Variants in MCF2 observed in about 807,000 individuals in gnomAD.
MCF2 encodes MCF.2 cell line derived transforming sequence.
In MCF2, 44 loss-of-function variants were observed where a neutral mutation model predicts 82.5. The ratio of observed to expected loss-of-function variants is 0.53; its 90% CI spans 0.42 to 0.69. The LOEUF (loss-of-function observed/expected upper bound fraction) is 0.69, where lower values mean the gene tolerates loss of function less well. Ranked by LOEUF, MCF2 falls within the 30% of genes least tolerant of loss-of-function variation. The pLI is 0.00. For synonymous variants in MCF2, 217 were observed against 224.9 expected (o/e 0.96, Z 0.32); for missense variants, 623 against 663.1 (o/e 0.94, Z 0.66).
chrX:139,670,133 C>T (rs1342997779), intron 1 of MCF2, among the ~76,000 whole-genome samples: 1 of 103,342 alleles, frequency 9.7e-6, no homozygotes, highest in Admixed American at 9.9e-5. Flanking sequence ...GATGAATGTA[C>T]TTTTTTCCAC....
intron 10 of MCF2, 110 bp downstream of exon 13, chrX:139,614,771 A>G (rs1931767297): frequency 2.7e-6 from 2 of 739,772 alleles, no homozygotes; most frequent in African/African-American, 2.1e-5. Flanking sequence ...AAGATGCTAA[A>G]GTGAAATTTT....
intron 15 of MCF2, among the ~76,000 whole-genome samples, chrX:139,603,150 A>C (rs1405254369): frequency 1.8e-5 from 2 of 112,325 alleles, no homozygotes; most frequent in African/African-American, 6.5e-5. Context: ...ACAATTAATA[A>C]TTTCCCTGTT....
intron 16 of MCF2, among the ~76,000 whole-genome samples, chrX:139,601,352 G>A (rs1930543915): frequency 9.0e-6 from 1 of 111,302 alleles, no homozygotes; most frequent in South Asian, 3.7e-4. Context: ...AGCTTTCAGA[G>A]GACAGAAACT....
intron 1 of MCF2, among the ~76,000 whole-genome samples, chrX:139,653,806 C>T (rs1350680492): frequency 2.7e-5 from 3 of 111,083 alleles, no homozygotes; most frequent in Non-Finnish European, 5.7e-5. Context: ...CCCCTCTACC[C>T]TTCCCAGCCT....
At chrX:139,616,497 A>G (rs1931916150) in intron 8 of MCF2, 24 bp from the exon 12 acceptor site, 3 of 925,565 alleles carry the variant, frequency 3.2e-6, no homozygotes, top group Non-Finnish European at 1.4e-6. Context: ...CAAGAAGAAA[A>G]AAAAAAAATA....
intron 15 of MCF2, among the ~76,000 whole-genome samples, 191 bp downstream of exon 19, chrX:139,604,490 C>G (rs1406351748): frequency 9.1e-6 from 1 of 110,243 alleles, no homozygotes; most frequent in Admixed American, 9.7e-5. Context: ...TATTTTTATG[C>G]TCTGGATATC....
chrX:139,672,562 A>G (rs143748866), intron 1 of MCF2, among the ~76,000 whole-genome samples: 3,109 of 112,062 alleles, frequency 0.028, 119 homozygotes, highest in African/African-American at 0.096. Context: ...TTCTGCATCT[A>G]TTGAGATAAT....
chrX:139,608,874 T>C lies in MCF2; in HGVS notation c.1402-1095A>G, dbSNP rs928631926. The stretch of plus-strand genomic sequence containing the variant: ...CTACAGAATTTGGCATTCACCCTGT[T>C]TCTTTCTTGAAACCAGAAGTTGTGG... On this transcript the variant is annotated intron_variant, in intron 11 of 24. Transcript: ENST00000370576. 5.4e-5 allele frequency among the ~76,000 whole-genome samples: 6 copies of C among 111,897 alleles called. No individual in the cohort carries two copies. In the Admixed American group the frequency reaches 5.7e-4, roughly 11 times the overall value.
At chrX:139,608,835 T>C (rs1167460839) in intron 11 of MCF2, among the ~76,000 whole-genome samples, 1 of 111,862 alleles carries the variant, frequency 8.9e-6, no homozygotes, top group Non-Finnish European at 1.9e-5. Context: ...AGACAGATTT[T>C]ACAACATGTA....
chrX:139,597,662 G>C (rs1255317035), intron 17 of MCF2, 77 bp from the exon 22 acceptor site: 1 of 825,326 alleles, frequency 1.2e-6, no homozygotes, highest in Non-Finnish European at 1.7e-6. Context: ...TGGCTAACAT[G>C]CTTTCAAGCT....
At chrX:139,675,429 T>G (rs1198973007) in intron 1 of MCF2, among the ~76,000 whole-genome samples, 2 of 112,810 alleles carry the variant, frequency 1.8e-5, no homozygotes, top group African/African-American at 6.4e-5. Context: ...TCTCCCCATC[T>G]TTGTGGTTTT....
chrX:139,681,315 G>T (rs950477018), intron 1 of MCF2, among the ~76,000 whole-genome samples: 4 of 111,477 alleles, frequency 3.6e-5, no homozygotes, highest in African/African-American at 1.3e-4. Context: ...GGCTGATGCT[G>T]ACCTAGTCAA....
chrX:139,693,093 A>C (rs897946152), intron 1 of MCF2, among the ~76,000 whole-genome samples: 17 of 111,571 alleles, frequency 1.5e-4, no homozygotes, highest in African/African-American at 5.2e-4. Context: ...CAAAGCACTC[A>C]GGGACTGGGC....
rs68033160 is a variant in MCF2 at position 139,616,493 on chromosome X, G to GA, written c.1000-21dup. 6,391 of 750,828 alleles carry GA rather than the reference G, an allele frequency of 8.5e-3. No individual in the cohort carries two copies. Among genetic ancestry groups the GA allele is most frequent in the South Asian group, 0.017 (342 of 19,685 alleles). The allele number at this position is 750,828 out of a possible 1,213,427, so 61.9% of individuals were successfully genotyped here. On this transcript the variant is annotated intron_variant, in intron 8 of 24. Coordinates refer to ENST00000370576, the Ensembl canonical transcript of MCF2. ...ACGAGCCTGGTAAGAAAATCAAGAAGAAAAAAAAAAAATATGAATTAATAA... is the reference window on the plus strand; with the variant it reads ...ACGAGCCTGGTAAGAAAATCAAGAAGAAAAAAAAAAAAATATGAATTAATAA...
intron 24 of MCF2, among the ~76,000 whole-genome samples, chrX:139,584,490 C>T (rs113131446): frequency 0.025 from 2,751 of 111,013 alleles, 40 homozygotes; most frequent in East Asian, 0.081. Context: ...TTTAATAGCC[C>T]ACTGGTATCC....
At chrX:139,702,976 C>A (rs1339709790) in intron 1 of MCF2, among the ~76,000 whole-genome samples, 2 of 112,335 alleles carry the variant, frequency 1.8e-5, no homozygotes, top group African/African-American at 3.2e-5. Context: ...ATAGCCCCTT[C>A]CAAAGGCATC....
chrX:139,608,782 T>A (rs1194889009), intron 11 of MCF2, among the ~76,000 whole-genome samples: 1 of 111,819 alleles, frequency 8.9e-6, no homozygotes, highest in African/African-American at 3.2e-5. Context: ...TAGCAAGCAA[T>A]GGCATTCTTT....
At chrX:139,671,198 A>G (rs997922539) in intron 1 of MCF2, among the ~76,000 whole-genome samples, 1 of 111,944 alleles carries the variant, frequency 8.9e-6, no homozygotes, top group African/African-American at 3.3e-5. Flanking sequence ...AGTTATTTGT[A>G]GATTCTGGAT....
intron 17 of MCF2, 104 bp downstream of exon 21, chrX:139,598,302 G>A (rs1279720958): frequency 3.9e-6 from 2 of 512,772 alleles, no homozygotes; most frequent in African/African-American, 4.8e-5. Flanking sequence ...CAGTCATTGA[G>A]CCTACCTATT....
Sources: gnomAD v4.1 joint callset for allele counts (sites outside exome capture counted in the v4.1 genomes callset) on GRCh38, gnomAD v4.1.1 for gene constraint, MANE v1.5 for transcripts, NCBI Gene and HGNC (gene_info 2026-07-23, HGNC 2026-07-21) for gene names.